GRM7: variants seen among roughly 807,000 people sequenced by gnomAD.
GRM7 encodes the protein metabotropic glutamate receptor 7.
A neutral mutation model predicts 84.5 loss-of-function variants in GRM7; 35 were observed. The ratio of observed to expected loss-of-function variants is 0.41; its 90% confidence interval spans 0.32 to 0.55. GRM7 has a LOEUF of 0.55. Ranked by LOEUF, GRM7 falls within the 20% of genes least tolerant of loss-of-function variation. The pLI, the probability that GRM7 is intolerant of heterozygous loss-of-function variation, is 0.19. For synonymous variants in GRM7, 487 were observed against 455.1 expected, an observed-to-expected ratio of 1.07 and a Z score of -0.89; for missense variants, 1,003 against 1,194.6, an observed-to-expected ratio of 0.84 and a Z score of 2.36.
intron 1 of GRM7, among the ~76,000 whole-genome samples, chr3:6,972,419 C>T (rs1009685843): frequency 6.6e-6 from 1 of 152,172 alleles, no homozygotes; most frequent in Non-Finnish European, 1.5e-5. Flanking sequence ...GAGAAAATGT[C>T]TTTCTTGCAG....
Position 7,374,126 on chromosome 3 carries a change from G to A in GRM7, c.1034-40897G>A, listed in dbSNP as rs531610204. Among the ~76,000 whole-genome samples the A allele has an allele frequency of 5.9e-5, 9 of 152,104 alleles. No individual in the cohort carries two copies. In the South Asian group the frequency reaches 1.9e-3, roughly 32 times the overall value. ...AGTTTCCACACAAAACAAAGTCCAA[G>A]TAACAAAACTTACTTGCATGAAATA... On this transcript the variant is annotated intron_variant, in intron 4 of 9. Coordinates refer to ENST00000357716, the MANE Select transcript of GRM7 (RefSeq NM_000844.4).
At chr3:7,404,588 C>G (rs949473599) in intron 4 of GRM7, among the ~76,000 whole-genome samples, 7 of 152,034 alleles carry the variant, frequency 4.6e-5, no homozygotes, top group African/African-American at 1.7e-4. Context: ...TGGAATCTAC[C>G]AATCCTACGG....
intron 4 of GRM7, among the ~76,000 whole-genome samples, chr3:7,319,177 A>G (rs1010364066): frequency 1.2e-4 from 18 of 152,148 alleles, no homozygotes; most frequent in Admixed American, 3.9e-4. Context: ...ATGTCAGAGG[A>G]TGGATCGTGA....
chr3:7,545,750 G>C (rs968320784), intron 7 of GRM7, among the ~76,000 whole-genome samples: 7 of 152,088 alleles, frequency 4.6e-5, no homozygotes, highest in African/African-American at 1.7e-4. Flanking sequence ...GTCTGGAAAG[G>C]TTCTATTTCC....
Position 7,364,043 on chromosome 3 carries a change from C to A in GRM7, c.1034-50980C>A, listed in dbSNP as rs140388977. On this transcript the variant is annotated intron_variant, in intron 4 of 9. Transcript: ENST00000357716. Reference sequence around the variant, plus strand: ...TTATGGGTATATCCTGTAAACTGTGCCACTTCTTTACCCTTAATAGATATA... The same window carrying A: ...TTATGGGTATATCCTGTAAACTGTGACACTTCTTTACCCTTAATAGATATA... 1.7e-3 allele frequency among the ~76,000 whole-genome samples: 255 copies of A among 152,018 alleles called. 3 individuals carry two copies. Among genetic ancestry groups the A allele is most frequent in the African/African-American group, 5.4e-3 (223 of 41,510 alleles).
chr3:7,324,346 T>A (rs1029452533), intron 4 of GRM7, among the ~76,000 whole-genome samples: 1 of 152,196 alleles, frequency 6.6e-6, no homozygotes, highest in African/African-American at 2.4e-5. Context: ...TATTTACTTA[T>A]AATGTTGCAA....
chr3:7,092,921 T>A (rs1228197635), intron 1 of GRM7, among the ~76,000 whole-genome samples: 1 of 152,108 alleles, frequency 6.6e-6, no homozygotes, highest in African/African-American at 2.4e-5. Context: ...CATTTCTACA[T>A]GTAATACAAA....
chr3:7,269,289 C>T (rs1034767925), intron 2 of GRM7, among the ~76,000 whole-genome samples: 1 of 152,164 alleles, frequency 6.6e-6, no homozygotes, highest in African/African-American at 2.4e-5. Flanking sequence ...CCAAAGTGGT[C>T]ACTCTCTTGT....
At chr3:7,175,082 G>T (rs1695102282) in intron 2 of GRM7, among the ~76,000 whole-genome samples, 1 of 152,166 alleles carries the variant, frequency 6.6e-6, no homozygotes, top group African/African-American at 2.4e-5. Context: ...GAGATGAATG[G>T]AGAAAAACCA....
chr3:7,085,970 A>G (rs963458164), intron 1 of GRM7, among the ~76,000 whole-genome samples: 2 of 152,196 alleles, frequency 1.3e-5, no homozygotes, highest in Non-Finnish European at 2.9e-5. Flanking sequence ...TAATAATGGC[A>G]AATTTTGAGT....
intron 8 of GRM7, among the ~76,000 whole-genome samples, chr3:7,589,212 A>T (rs1013777751): frequency 6.6e-6 from 1 of 152,188 alleles, no homozygotes; most frequent in Admixed American, 6.5e-5. Flanking sequence ...CAATCAGATC[A>T]TTGTCTTTTA....
chr3:7,369,858 G>T (rs906778095), intron 4 of GRM7, among the ~76,000 whole-genome samples: 2 of 152,092 alleles, frequency 1.3e-5, no homozygotes, highest in South Asian at 4.1e-4. Context: ...GGCAAAATAA[G>T]ATTCTTTTGA....
At chr3:6,929,516 T>A (rs1305236546) in intron 1 of GRM7, among the ~76,000 whole-genome samples, 2 of 151,930 alleles carry the variant, frequency 1.3e-5, no homozygotes, top group Admixed American at 6.6e-5. Flanking sequence ...ACAGTAGGTA[T>A]GCTGTCTTTT....
At chr3:7,454,650 G>A (rs947662944) in intron 6 of GRM7, among the ~76,000 whole-genome samples, 9 of 151,924 alleles carry the variant, frequency 5.9e-5, no homozygotes, top group East Asian at 1.9e-4. Context: ...ATGGGACTGA[G>A]AAAATAATTA....
chr3:7,540,520 A>T lies in GRM7; in HGVS notation c.1516-37902A>T, dbSNP rs541413130. 4.6e-5 allele frequency among the ~76,000 whole-genome samples: 7 copies of T among 152,316 alleles called. No homozygotes were observed. The South Asian group carries it at 1.4e-3, about 32-fold the overall frequency. ...ATTCATTCATATAAAATGTCCAAAT[A>T]GGCAAATCCATAAAGACAGTAGATT... is the stretch of plus-strand genomic sequence containing the variant. On this transcript the variant is annotated intron_variant, in intron 7 of 9. Transcript: ENST00000357716.
At chr3:7,673,476 G>A (rs1469446095) in intron 8 of GRM7, among the ~76,000 whole-genome samples, 2 of 150,856 alleles carry the variant, frequency 1.3e-5, no homozygotes, top group African/African-American at 2.4e-5. Flanking sequence ...ACAGGAAACC[G>A]GGTTAGAGAT....
chr3:7,095,053 A>G (rs921416499), intron 1 of GRM7, among the ~76,000 whole-genome samples: 3 of 151,540 alleles, frequency 2.0e-5, no homozygotes, highest in Non-Finnish European at 4.4e-5. Flanking sequence ...CTCTCCTACA[A>G]TATGTTCTTA....
intron 1 of GRM7, among the ~76,000 whole-genome samples, chr3:6,898,097 T>C (rs1050099454): frequency 7.9e-5 from 12 of 152,148 alleles, no homozygotes; most frequent in Non-Finnish European, 1.3e-4. Context: ...TCCATCAAGT[T>C]AGGCCATGCG....
At chr3:7,383,664 C>T (rs1329805422) in intron 4 of GRM7, among the ~76,000 whole-genome samples, 2 of 152,150 alleles carry the variant, frequency 1.3e-5, no homozygotes, top group African/African-American at 2.4e-5. Flanking sequence ...ACCCCCGCAA[C>T]AGTCCACTTA....
Sources: allele counts gnomAD v4.1 joint callset (sites outside exome capture counted in the v4.1 genomes callset), GRCh38; gene constraint gnomAD v4.1.1; transcripts MANE v1.5; gene names NCBI Gene and HGNC (gene_info 2026-07-23, HGNC 2026-07-21).